The following EYA1 variants were observed in gnomAD, a reference collection of about 807,000 sequenced individuals.
EYA1 encodes the protein protein phosphatase EYA1.
In EYA1, 16 loss-of-function variants were observed where a neutral mutation model predicts 82.0. That is an observed-to-expected ratio of 0.20 (90% CI 0.13 to 0.30). The LOEUF (loss-of-function observed/expected upper bound fraction) is 0.30, where lower values mean the gene tolerates loss of function less well. EYA1 is among the 10% of genes least tolerant of loss of function. EYA1 has a pLI of 1.00. For synonymous variants in EYA1, 261 were observed against 264.4 expected (o/e 0.99, Z 0.12); for missense variants, 633 against 730.7 (o/e 0.87, Z 1.54).
chr8:71,249,999 C>T (rs1813552412), intron 11 of EYA1, among the ~76,000 whole-genome samples: 1 of 152,046 alleles, frequency 6.6e-6, no homozygotes, highest in South Asian at 2.1e-4. Flanking sequence ...TAAATTTCAG[C>T]CTCCCTTATT....
intron 2 of EYA1, among the ~76,000 whole-genome samples, chr8:71,394,599 T>G (rs1342721492): frequency 1.3e-5 from 2 of 152,180 alleles, no homozygotes; most frequent in African/African-American, 4.8e-5. Context: ...ATAAGATGGT[T>G]GTAGATCTGT....
At chr8:71,235,333 C>T (rs964654010) in intron 12 of EYA1, among the ~76,000 whole-genome samples, 7 of 152,216 alleles carry the variant, frequency 4.6e-5, no homozygotes, top group Non-Finnish European at 7.3e-5. Flanking sequence ...TGGACCCTGC[C>T]GCTCTTCCCT....
At chr8:71,501,165 A>G (rs764441434) in intron 2 of EYA1, among the ~76,000 whole-genome samples, 1 of 152,252 alleles carries the variant, frequency 6.6e-6, no homozygotes, top group Non-Finnish European at 1.5e-5. Context: ...AGACAATAGC[A>G]TGGTATATTA....
intron 2 of EYA1, among the ~76,000 whole-genome samples, chr8:71,425,937 A>G (rs997748547): frequency 4.6e-5 from 7 of 152,210 alleles, no homozygotes; most frequent in African/African-American, 1.7e-4. Flanking sequence ...GAGGTCTGGG[A>G]TGGCAGAAAA....
chr8:71,476,764 TCAAAA>T (rs1022984673), intron 2 of EYA1, among the ~76,000 whole-genome samples: 4 of 152,110 alleles, frequency 2.6e-5, no homozygotes, highest in Non-Finnish European at 4.4e-5. Context: ...CCTGGCATAT[TCAAAA>T]CAATCTTGAA....
In EYA1 at chr8:71,361,785, G is replaced by A. The variant is rs1032731378; in HGVS notation, c.-193C>T. 1 of 985,474 alleles carries A rather than the reference G, an allele frequency of 1.0e-6. No homozygotes were observed. The highest frequency in any genetic ancestry group is 4.7e-5 in the South Asian group (1 of 21,286). 61.0% of individuals were successfully genotyped at this position (985,474 alleles called of 1,614,324 possible). On this transcript the variant is annotated 5_prime_UTR_variant, in exon 1 of 18. Transcript: ENST00000340726. ...TCAGGCGCTCTGGTGCAGCCGCGGC[G>A]CTTCTGGGAGTGGAGCGCCTCTGCA... is the stretch of plus-strand genomic sequence containing the variant.
chr8:71,435,753 A>G (rs1805967026), intron 2 of EYA1, among the ~76,000 whole-genome samples: 1 of 152,234 alleles, frequency 6.6e-6, no homozygotes, highest in Admixed American at 6.5e-5. Flanking sequence ...TCTAGCCTCT[A>G]TCAACTCCCA....
At chr8:71,237,837 CTTT>C (rs889279590) in intron 12 of EYA1, among the ~76,000 whole-genome samples, 54 of 152,202 alleles carry the variant, frequency 3.5e-4, no homozygotes, top group African/African-American at 1.2e-3. Flanking sequence ...TAAAAATTAA[CTTT>C]TTATTAAACA....
intron 2 of EYA1, among the ~76,000 whole-genome samples, chr8:71,392,368 T>A (rs1247083629): frequency 1.3e-5 from 2 of 152,152 alleles, no homozygotes; most frequent in Non-Finnish European, 2.9e-5. Flanking sequence ...GCGCTGTGAC[T>A]AGAGACCACC....
chr8:71,475,373 C>T (rs536056442), intron 2 of EYA1, among the ~76,000 whole-genome samples: 1 of 152,106 alleles, frequency 6.6e-6, no homozygotes, highest in East Asian at 1.9e-4. Flanking sequence ...TTTTAACGAC[C>T]TTTTGTCCAG....
chr8:71,203,310 T>TA (rs1375694176), intron 17 of EYA1, among the ~76,000 whole-genome samples: 1 of 152,162 alleles, frequency 6.6e-6, no homozygotes, highest in Non-Finnish European at 1.5e-5. Flanking sequence ...CTACAGTAGA[T>TA]ACGTAATACA....
intron 9 of EYA1, among the ~76,000 whole-genome samples, chr8:71,295,274 T>G (rs1819474071): frequency 6.6e-6 from 1 of 152,116 alleles, no homozygotes; most frequent in Non-Finnish European, 1.5e-5. Context: ...CAAAAGACAC[T>G]GCTAAGAGAA....
At chr8:71,366,421 G>A (rs1444279610), upstream of EYA1, among the ~76,000 whole-genome samples, 15 of 152,196 alleles carry the variant, frequency 9.9e-5, no homozygotes, top group African/African-American at 2.9e-4. Context: ...GCTTTCTCGC[G>A]CTGTGAAATG....
At chr8:71,272,037 C>A in intron 9 of EYA1, 140 bp from the exon 10 acceptor site, 2 of 884,960 alleles carry the variant, frequency 2.3e-6, no homozygotes, top group South Asian at 1.3e-5. Flanking sequence ...CTTTTACTTG[C>A]GCTGGTAAAT....
chr8:71,535,729 A>T (rs1814661565), intron 2 of EYA1: 1 of 1,514,356 alleles, frequency 6.6e-7, no homozygotes, highest in Non-Finnish European at 8.8e-7. Flanking sequence ...TAGGACTGAC[A>T]TTCTGTTTAC....
chr8:71,259,429 C>T (rs747007766), intron 11 of EYA1, among the ~76,000 whole-genome samples: 7 of 152,220 alleles, frequency 4.6e-5, no homozygotes, highest in Non-Finnish European at 7.3e-5. Flanking sequence ...ACCATTTAAG[C>T]ACAGTATTCT....
chr8:71,333,463 T>C (rs752160417), intron 4 of EYA1, among the ~76,000 whole-genome samples: 22 of 151,844 alleles, frequency 1.4e-4, no homozygotes, highest in Non-Finnish European at 3.0e-4. Flanking sequence ...AAATGAAATA[T>C]TCCAAACTGG....
In EYA1 at chr8:71,198,765, T is replaced by TG. The variant is rs1806559639; in HGVS notation, c.*574dup. 6.2e-6 allele frequency: 1 copy of TG among 161,746 alleles called. No individual in the cohort carries two copies. Among genetic ancestry groups the TG allele is most frequent in the East Asian group, 1.7e-4 (1 of 5,726 alleles). The allele number at this position is 161,746 out of a possible 1,614,324, so 10.0% of individuals were successfully genotyped here. A position where few individuals can be genotyped will look rare whatever the true frequency, so the allele number is the denominator to read the frequency against. The stretch of plus-strand genomic sequence containing the variant: ...TTTAATCACTTATTTCTAATGCTAT[T>TG]GTCTCTTCAATTATTTGATGTTTAA... On this transcript the variant is annotated 3_prime_UTR_variant, in exon 18 of 18. Coordinates refer to ENST00000340726, the MANE Select transcript of EYA1 (RefSeq NM_000503.6).
At chr8:71,521,029 A>G (rs978611372) in intron 2 of EYA1, among the ~76,000 whole-genome samples, 1 of 152,134 alleles carries the variant, frequency 6.6e-6, no homozygotes. Context: ...ACAATAGGTT[A>G]ACTATTGTTC....
Sources: allele counts gnomAD v4.1 joint callset (sites outside exome capture counted in the v4.1 genomes callset), GRCh38; gene constraint gnomAD v4.1.1; transcripts MANE v1.5; gene names NCBI Gene and HGNC (gene_info 2026-07-23, HGNC 2026-07-21).